ATRX: variants seen among roughly 807,000 people sequenced by gnomAD.
ATRX encodes the protein chromatin remodeler ATRX.
In ATRX, 12 loss-of-function variants were observed where a neutral mutation model predicts 172.6. The ratio of observed to expected loss-of-function variants is 0.07; its 90% CI spans 0.04 to 0.11. The LOEUF is 0.11. Ranked by LOEUF, ATRX falls within the 10% of genes least tolerant of loss-of-function variation. The pLI is 1.00. For missense variants in ATRX, 1,368 were observed against 1,767.4 expected, an observed-to-expected ratio of 0.77 and a Z score of 4.05; for synonymous variants, 674 against 594.7, an observed-to-expected ratio of 1.13 and a Z score of -1.94.
intron 1 of ATRX, among the ~76,000 whole-genome samples, chrX:77,730,138 C>T (rs782423125): frequency 9.0e-6 from 1 of 111,334 alleles, no homozygotes; most frequent in Admixed American, 9.6e-5. Context: ...AACAGAATTA[C>T]GAGAAATCTT....
At chrX:77,656,682 T>A in intron 12 of ATRX, 29 bp from the exon 13 acceptor site, 1 of 1,086,799 alleles carries the variant, frequency 9.2e-7, no homozygotes. Flanking sequence ...CATAAAATTA[T>A]TAATTATTTT....
Position 77,676,413 on chromosome X carries a change from C to A in ATRX, c.3737-115G>T, listed in dbSNP as rs782779949. The A allele has an allele frequency of 3.6e-5, 20 of 560,988 alleles. No individual in the cohort carries two copies. The African/African-American group carries it at 4.2e-4, about 12-fold the overall frequency. The allele number at this position is 560,988 out of a possible 1,213,427, so 46.2% of individuals were successfully genotyped here. On this transcript the variant is annotated intron_variant, in intron 9 of 34. Coordinates refer to ENST00000373344, the MANE Select transcript of ATRX (RefSeq NM_000489.6). ...AAGCAAACTAAGTGGGGTCTAAACT[C>A]TGGACTCCAAAATATGAGTAAAAAG...
At chrX:77,562,692 G>T (rs782414449) in intron 28 of ATRX, among the ~76,000 whole-genome samples, 11 of 111,069 alleles carry the variant, frequency 9.9e-5, no homozygotes, top group Non-Finnish European at 2.1e-4. Flanking sequence ...CTATAGACAT[G>T]TGCCACCATG....
At chrX:77,767,207 G>A (rs1225727169) in intron 1 of ATRX, among the ~76,000 whole-genome samples, 7 of 107,431 alleles carry the variant, frequency 6.5e-5, no homozygotes, top group African/African-American at 2.4e-4. Context: ...GAGGGAGACC[G>A]TGGAAAGAGA....
intron 1 of ATRX, among the ~76,000 whole-genome samples, chrX:77,770,944 A>C (rs2148943283): frequency 8.9e-6 from 1 of 112,337 alleles, no homozygotes; most frequent in Admixed American, 9.5e-5. Flanking sequence ...TGAGTTTAAT[A>C]TTCACCATTG....
At chrX:77,678,171 G>A (rs534952576) in intron 9 of ATRX, among the ~76,000 whole-genome samples, 3 of 107,721 alleles carry the variant, frequency 2.8e-5, no homozygotes, top group Non-Finnish European at 5.8e-5. Context: ...GCAGTGAGCC[G>A]AGATTGCACC....
At chrX:77,645,155 T>C (rs2068848639) in intron 15 of ATRX, among the ~76,000 whole-genome samples, 1 of 111,516 alleles carries the variant, frequency 9.0e-6, no homozygotes, top group Admixed American at 9.5e-5. Context: ...TTTTCTTTTT[T>C]AAAAAATAGA....
intron 27 of ATRX, among the ~76,000 whole-genome samples, chrX:77,585,795 T>C (rs1455471358): frequency 1.8e-5 from 2 of 109,680 alleles, no homozygotes; most frequent in Non-Finnish European, 3.8e-5. Context: ...TTATATACAA[T>C]GGAATAGTAT....
chrX:77,688,753 A>C, intron 7 of ATRX, 65 bp downstream of exon 7: 8 of 897,907 alleles, frequency 8.9e-6, no homozygotes, highest in South Asian at 2.0e-5. Flanking sequence ...TGTGCCCTCA[A>C]AGGCCTGGTA....
In ATRX at chrX:77,682,021, C is replaced by T. The variant is rs2148578381; in HGVS notation, c.3235G>A (p.Asp1079Asn). ...GKGDSCDSSEDKKSKNGAYGR... is the reference protein window; with the variant it reads ...GKGDSCDSSENKKSKNGAYGR... ...TATGCTCCATTCTTACTCTTTTTAT[C>T]CTCTGAAGAGTCACAACTATCTCCT... Residue 1079 changes from aspartate to asparagine, a missense_variant, in exon 9 of 35, where the codon GAT becomes AAT. By Grantham distance (23) the Asp-to-Asn change is conservative. Coordinates refer to ENST00000373344, the MANE Select transcript of ATRX (RefSeq NM_000489.6). 1.7e-6 allele frequency: 2 copies of T among 1,210,695 alleles called. No homozygotes were observed. Among genetic ancestry groups the T allele is most frequent in the Non-Finnish European group, 2.2e-6 (2 of 894,819 alleles).
intron 27 of ATRX, among the ~76,000 whole-genome samples, chrX:77,588,095 T>C (rs1168384412): frequency 1.8e-5 from 2 of 112,336 alleles, no homozygotes; most frequent in Non-Finnish European, 3.8e-5. Context: ...ATCAATGGAA[T>C]AGAATTGAGG....
intron 22 of ATRX, among the ~76,000 whole-genome samples, chrX:77,607,922 A>G (rs781876342): frequency 1.8e-5 from 2 of 110,513 alleles, no homozygotes; most frequent in Admixed American, 1.9e-4. Context: ...TATTCTTCAC[A>G]GAAATTGAAA....
chrX:77,512,876 AT>A (rs1422729514), intron 34 of ATRX, among the ~76,000 whole-genome samples: 4 of 111,393 alleles, frequency 3.6e-5, no homozygotes, highest in African/African-American at 1.3e-4. Context: ...TCTCAAAAAA[AT>A]AATAATAAAA....
chrX:77,666,218 C>A (rs2070228980), intron 10 of ATRX, among the ~76,000 whole-genome samples: 1 of 111,800 alleles, frequency 8.9e-6, no homozygotes, highest in Non-Finnish European at 1.9e-5. Context: ...GATGGGTTTG[C>A]TTTTCTGAGG....
rs147823090 is a variant in ATRX at position 77,548,871 on chromosome X, C to T, written c.6699+8580G>A. Among the ~76,000 whole-genome samples, 916 of 112,095 alleles carry T rather than the reference C, an allele frequency of 8.2e-3. 13 individuals carry two copies. Among genetic ancestry groups the T allele is most frequent in the African/African-American group, 0.028 (877 of 30,898 alleles). On this transcript the variant is annotated intron_variant, in intron 30 of 34. Coordinates refer to ENST00000373344, the MANE Select transcript of ATRX (RefSeq NM_000489.6). ...AGCGTAGAGAAAACAAACCTAAAGCCTCACTTAAGATACTTTAATTTAAAT... is the reference window on the plus strand; with the variant it reads ...AGCGTAGAGAAAACAAACCTAAAGCTTCACTTAAGATACTTTAATTTAAAT...
chrX:77,593,347 G>A (rs2066349090), intron 26 of ATRX, among the ~76,000 whole-genome samples: 1 of 111,280 alleles, frequency 9.0e-6, no homozygotes, highest in African/African-American at 3.3e-5. Flanking sequence ...ACTTTACAGG[G>A]GGAAATCTCA....
chrX:77,586,258 A>C (rs1386761196), intron 27 of ATRX, among the ~76,000 whole-genome samples: 1 of 112,208 alleles, frequency 8.9e-6, no homozygotes, highest in Non-Finnish European at 1.9e-5. Flanking sequence ...TAACCCATGA[A>C]TACATAACAC....
intron 30 of ATRX, among the ~76,000 whole-genome samples, chrX:77,530,074 G>T (rs923530001): frequency 9.0e-6 from 1 of 111,551 alleles, no homozygotes; most frequent in Non-Finnish European, 1.9e-5. Context: ...AAATGCAAAA[G>T]AACTGAAATC....
Position 77,696,676 on chromosome X carries a change from C to T in ATRX, c.271G>A (p.Glu91Lys). 8.3e-7 allele frequency: 1 copy of T among 1,198,157 alleles called. No individual in the cohort carries two copies. Among genetic ancestry groups the T allele is most frequent in the Non-Finnish European group, 1.1e-6 (1 of 884,282 alleles). ...RKPSIVTKYV[E>K]SDDEKPLDDE... Reference sequence around the variant, plus strand: ...TCCAAAGGTTTTTCATCATCTGATTCTACATACTTTGTTACAATTGAAGGT... The same window carrying T: ...TCCAAAGGTTTTTCATCATCTGATTTTACATACTTTGTTACAATTGAAGGT... Residue 91 changes from glutamate to lysine, a missense_variant, in exon 5 of 35, where the codon GAA becomes AAA. By Grantham distance (56) the Glu-to-Lys change is moderately conservative. This residue lies in a region of ATRX where 84 missense variants were observed against 82.8 expected (regional missense o/e 1.01). Coordinates refer to ENST00000373344, the MANE Select transcript of ATRX (RefSeq NM_000489.6).
Sources: allele counts gnomAD v4.1 joint callset (sites outside exome capture counted in the v4.1 genomes callset), GRCh38; gene constraint gnomAD v4.1.1; regional missense constraint gnomAD v4.1.1; transcripts MANE v1.5; gene names NCBI Gene and HGNC (gene_info 2026-07-23, HGNC 2026-07-21).